Variants in ACAP2 observed in about 807,000 individuals in gnomAD.
The protein encoded by ACAP2 is arf-GAP with coiled-coil, ANK repeat and PH domain-containing protein 2.
A neutral mutation model predicts 115.8 loss-of-function variants in ACAP2; 39 were observed. The observed-to-expected ratio is 0.34, with a 90% CI of 0.26 to 0.44. The LOEUF is 0.44. Ranked by LOEUF, ACAP2 falls within the 20% of genes least tolerant of loss-of-function variation. The pLI, the probability that ACAP2 is intolerant of heterozygous loss-of-function variation, is 1.00. For missense variants in ACAP2, 662 were observed against 927.6 expected, an observed-to-expected ratio of 0.71 and a Z score of 3.72; for synonymous variants, 289 against 315.8, an observed-to-expected ratio of 0.92 and a Z score of 0.90.
chr3:195,314,597 A>G (rs918083014), intron 10 of ACAP2, among the ~76,000 whole-genome samples: 1 of 152,154 alleles, frequency 6.6e-6, no homozygotes, highest in Non-Finnish European at 1.5e-5. Context: ...GTTGATTTTG[A>G]TAAGACTCTA....
At chr3:195,318,688 T>C (rs1192850363) in intron 10 of ACAP2, among the ~76,000 whole-genome samples, 1 of 152,120 alleles carries the variant, frequency 6.6e-6, no homozygotes, top group Non-Finnish European at 1.5e-5. Flanking sequence ...AAGTGTACCA[T>C]TATATGCGTT....
intron 2 of ACAP2, among the ~76,000 whole-genome samples, chr3:195,384,825 T>G (rs1449676930): frequency 6.6e-6 from 1 of 152,178 alleles, no homozygotes; most frequent in Non-Finnish European, 1.5e-5. Flanking sequence ...GGGTACACAC[T>G]TTTTTACCTT....
At chr3:195,339,340 A>G (rs1032484449) in intron 6 of ACAP2, among the ~76,000 whole-genome samples, 1 of 152,196 alleles carries the variant, frequency 6.6e-6, no homozygotes, top group Non-Finnish European at 1.5e-5. Flanking sequence ...GTAAAGAAGA[A>G]GCTGCAAATA....
intron 1 of ACAP2, among the ~76,000 whole-genome samples, chr3:195,394,272 T>G (rs996409478): frequency 1.3e-5 from 2 of 152,142 alleles, no homozygotes; most frequent in Non-Finnish European, 2.9e-5. Context: ...AAACAAAATG[T>G]TTGTTGAGCC....
At chr3:195,288,054 G>A (rs113597047) in intron 21 of ACAP2, among the ~76,000 whole-genome samples, 3,330 of 151,752 alleles carry the variant, frequency 0.022, 123 homozygotes, top group East Asian at 0.11. Context: ...AGCTGAGATC[G>A]TGCCATTGCA....
intron 19 of ACAP2, 22 bp from the exon 20 acceptor site, chr3:195,291,837 A>C: frequency 6.3e-7 from 1 of 1,575,594 alleles, no homozygotes. Flanking sequence ...AAAGAGGATA[A>C]CTATAGACAA....
chr3:195,420,332 A>G (rs1303912406), intron 1 of ACAP2, among the ~76,000 whole-genome samples: 1 of 151,942 alleles, frequency 6.6e-6, no homozygotes, highest in Non-Finnish European at 1.5e-5. Flanking sequence ...TTTTCATTAT[A>G]TCTTTTTCTT....
chr3:195,402,278 G>C (rs966726938), intron 1 of ACAP2, among the ~76,000 whole-genome samples: 2 of 152,006 alleles, frequency 1.3e-5, no homozygotes, highest in African/African-American at 2.4e-5. Context: ...TGATCTCCCT[G>C]TATCTCAGTA....
intron 4 of ACAP2, chr3:195,356,131 G>C (rs1252733295): frequency 1.5e-5 from 7 of 456,600 alleles, no homozygotes; most frequent in Non-Finnish European, 2.2e-5. Context: ...GCTGACCCCA[G>C]CCCTCCCCCA....
Position 195,391,228 on chromosome 3 carries a change from C to CTTTTTT in ACAP2, c.111+856_111+861dup, listed in dbSNP as rs1186667963. Among the ~76,000 whole-genome samples, 11 of 129,886 alleles carry CTTTTTT rather than the reference C, an allele frequency of 8.5e-5. 1 individual carries two copies. The highest frequency in any genetic ancestry group is 2.3e-4 in the East Asian group (1 of 4,354). 85.2% of individuals were successfully genotyped at this position (129,886 alleles called of 152,430 possible). On this transcript the variant is annotated intron_variant, in intron 2 of 22. Coordinates refer to ENST00000326793, the MANE Select transcript of ACAP2 (RefSeq NM_012287.6). ...GAAAATACAGAAAAAGCTTCTCTTT[C>CTTTTTT]TTTTTTTTTTTTTTTTTTGAGATGG...
At chr3:195,415,166 T>C (rs1278045686) in intron 1 of ACAP2, among the ~76,000 whole-genome samples, 1 of 152,174 alleles carries the variant, frequency 6.6e-6, no homozygotes, top group Non-Finnish European at 1.5e-5. Flanking sequence ...AAATGTATCA[T>C]TCTGGTACAG....
At chr3:195,402,326 C>G (rs539542035) in intron 1 of ACAP2, among the ~76,000 whole-genome samples, 1 of 152,204 alleles carries the variant, frequency 6.6e-6, no homozygotes, top group African/African-American at 2.4e-5. Context: ...TTCCCTCTTG[C>G]TCCAGCCTTG....
chr3:195,318,129 C>T (rs1421623774), intron 10 of ACAP2, among the ~76,000 whole-genome samples: 2 of 152,164 alleles, frequency 1.3e-5, no homozygotes, highest in African/African-American at 4.8e-5. Context: ...ATGCCTGCTT[C>T]CCCTTCTGCC....
At chr3:195,284,117 A>G (rs1338042519) in intron 22 of ACAP2, among the ~76,000 whole-genome samples, 2 of 152,196 alleles carry the variant, frequency 1.3e-5, no homozygotes, top group Non-Finnish European at 2.9e-5. Flanking sequence ...CCACCTGGCT[A>G]ATCAGCTGGG....
rs112017982 is a variant in ACAP2 at position 195,411,698 on chromosome 3, AC to A, written c.54-19552del. On this transcript the variant is annotated intron_variant, in intron 1 of 22. Transcript: ENST00000326793. ...AATGAATAAATTTCTAGATCAAACC[AC>A]GGAGAGACTTACAGATAATTAACAA... is the stretch of plus-strand genomic sequence containing the variant. 4.7e-3 allele frequency among the ~76,000 whole-genome samples: 710 copies of A among 152,320 alleles called. 5 individuals carry two copies. The highest frequency in any genetic ancestry group is 0.016 in the African/African-American group (670 of 41,572).
intron 1 of ACAP2, among the ~76,000 whole-genome samples, chr3:195,432,395 C>T (rs13316914): frequency 0.24 from 36,499 of 152,086 alleles, 5,111 homozygotes; most frequent in East Asian, 0.71. Context: ...CAACTTCATA[C>T]TTTCACGTGT....
At chr3:195,324,476 C>A (rs114880140) in intron 9 of ACAP2, among the ~76,000 whole-genome samples, 3,928 of 151,978 alleles carry the variant, frequency 0.026, 147 homozygotes, top group African/African-American at 0.086. Flanking sequence ...ACCTAAAAAG[C>A]GGCACGGTGG....
chr3:195,328,989 A>G (rs1729991728), intron 8 of ACAP2, among the ~76,000 whole-genome samples: 1 of 151,826 alleles, frequency 6.6e-6, no homozygotes, highest in African/African-American at 2.4e-5. Flanking sequence ...CTAAGGCAGG[A>G]GAATGGCGTG....
chr3:195,379,233 C>T (rs888247723), intron 4 of ACAP2, among the ~76,000 whole-genome samples: 1 of 152,196 alleles, frequency 6.6e-6, no homozygotes, highest in East Asian at 1.9e-4. Flanking sequence ...ATCTTTATAA[C>T]CTTGAATTTG....
Sources: allele counts gnomAD v4.1 joint callset (sites outside exome capture counted in the v4.1 genomes callset), GRCh38; gene constraint gnomAD v4.1.1; transcripts MANE v1.5; gene names NCBI Gene and HGNC (gene_info 2026-07-23, HGNC 2026-07-21).